Variants in PEBP4 observed in about 807,000 individuals in gnomAD.
PEBP4 encodes phosphatidylethanolamine binding protein 4.
A neutral mutation model predicts 23.9 loss-of-function variants in PEBP4; 22 were observed. That is an observed-to-expected ratio of 0.92 (90% CI 0.66 to 1.31). PEBP4 has a LOEUF of 1.31. PEBP4 is among the 40% of genes most tolerant of loss of function. PEBP4 has a pLI of 0.00. For synonymous variants in PEBP4, 112 were observed against 99.3 expected (o/e 1.13, Z -0.76); for missense variants, 324 against 281.7 (o/e 1.15, Z -1.07).
At chr8:22,902,077 G>A (rs2128776998) in intron 3 of PEBP4, among the ~76,000 whole-genome samples, 1 of 152,132 alleles carries the variant, frequency 6.6e-6, no homozygotes, top group East Asian at 1.9e-4. Context: ...CCAGCACTTT[G>A]GGAGGCTGAG....
chr8:22,817,545 A>T, intron 4 of PEBP4, 92 bp downstream of exon 4: 4 of 1,243,822 alleles, frequency 3.2e-6, no homozygotes, highest in Non-Finnish European at 4.7e-6. Flanking sequence ...CCTCGCTCCA[A>T]CCTTCCTGGA....
intron 4 of PEBP4, among the ~76,000 whole-genome samples, chr8:22,753,987 G>A (rs528207185): frequency 1.3e-5 from 2 of 152,300 alleles, no homozygotes; most frequent in East Asian, 3.9e-4. Flanking sequence ...TCCCAAATGG[G>A]GAAGAAGATG....
At chr8:22,866,501 G>T (rs1357116667) in intron 3 of PEBP4, among the ~76,000 whole-genome samples, 1 of 152,118 alleles carries the variant, frequency 6.6e-6, no homozygotes, top group Non-Finnish European at 1.5e-5. Context: ...AACAGATTCG[G>T]TAACTTCTCT....
rs1249228981 is a variant in PEBP4 at position 22,865,243 on chromosome 8, G to A, written c.259-47508C>T. ...GGGGGCGGCGGGAGGGGGAGGGAAG[G>A]TGTTTTTGCGAAAATGACAAAACAA... On this transcript the variant is annotated intron_variant, in intron 3 of 6. Transcript: ENST00000256404. The surrounding 1 kb of genome is among the most constrained non-coding windows in gnomAD (Gnocchi z 6.9). Among the ~76,000 whole-genome samples the A allele has an allele frequency of 6.6e-6, 1 of 152,124 alleles. No individual in the cohort carries two copies. Among genetic ancestry groups the A allele is most frequent in the East Asian group, 1.9e-4 (1 of 5,184 alleles).
intron 3 of PEBP4, among the ~76,000 whole-genome samples, chr8:22,836,269 C>T (rs1807202454): frequency 6.6e-6 from 1 of 152,224 alleles, no homozygotes; most frequent in South Asian, 2.1e-4. Flanking sequence ...ACATGAAAGA[C>T]AAGTGAATGG....
chr8:22,827,608 A>T (rs1806998946), intron 3 of PEBP4, among the ~76,000 whole-genome samples: 1 of 152,114 alleles, frequency 6.6e-6, no homozygotes, highest in Non-Finnish European at 1.5e-5. Flanking sequence ...ATTTCATTGT[A>T]TGGATAGAGA....
chr8:22,920,140 A>AC, intron 3 of PEBP4, 44 bp downstream of exon 3: 6 of 1,568,018 alleles, frequency 3.8e-6, no homozygotes, highest in Non-Finnish European at 5.2e-6. Flanking sequence ...GAACATCAAG[A>AC]CCCCCAACTG....
chr8:22,872,537 T>G (rs1326482686), intron 3 of PEBP4, among the ~76,000 whole-genome samples: 1 of 152,240 alleles, frequency 6.6e-6, no homozygotes, highest in African/African-American at 2.4e-5. Flanking sequence ...AATGAAAGTC[T>G]TTTGTTCAGT....
chr8:22,899,137 C>G (rs1289583670), intron 3 of PEBP4, among the ~76,000 whole-genome samples: 1 of 152,212 alleles, frequency 6.6e-6, no homozygotes, highest in Non-Finnish European at 1.5e-5. Context: ...GTTCCTACCT[C>G]AAAGCATTGT....
intron 4 of PEBP4, among the ~76,000 whole-genome samples, chr8:22,804,368 T>C (rs1806450690): frequency 6.6e-6 from 1 of 152,116 alleles, no homozygotes; most frequent in Non-Finnish European, 1.5e-5. Context: ...TTTTACCCCG[T>C]GTTGGAAGTC....
At position 22,775,863 on chromosome 8, in the gene PEBP4, C is replaced by G. The variant is rs1805805079; in HGVS notation, c.357+41774G>C. On this transcript the variant is annotated intron_variant, in intron 4 of 6. Transcript: ENST00000256404. The surrounding 1 kb of genome is among the most constrained non-coding windows in gnomAD (Gnocchi z 4.8). ...GGAAGGATTGCCCGACTCCTTGGCT[C>G]TTGGGGGGGTTTCCCGTTCTGGAGG... is the stretch of plus-strand genomic sequence containing the variant. Among the ~76,000 whole-genome samples the G allele has an allele frequency of 6.6e-6, 1 of 152,112 alleles. No individual in the cohort carries two copies. Among genetic ancestry groups the G allele is most frequent in the Non-Finnish European group, 1.5e-5 (1 of 68,024 alleles).
chr8:22,888,855 C>T lies in PEBP4; in HGVS notation c.258+31329G>A, dbSNP rs565589296. ...GGAAGTGCTGGGCTCAGGATTCTTA[C>T]ACCTTATTCCCCATGCTGGGAGCTC... On this transcript the variant is annotated intron_variant, in intron 3 of 6. Transcript: ENST00000256404. Among the ~76,000 whole-genome samples, 6 of 152,214 alleles carry T rather than the reference C, an allele frequency of 3.9e-5. 1 individual carries two copies. In the South Asian group the frequency reaches 1.2e-3, roughly 32 times the overall value.
intron 4 of PEBP4, among the ~76,000 whole-genome samples, chr8:22,801,246 G>A (rs1164004030): frequency 6.6e-6 from 1 of 152,156 alleles, no homozygotes; most frequent in Non-Finnish European, 1.5e-5. Flanking sequence ...CAGGTTGACA[G>A]GCATGATCTC....
intron 4 of PEBP4, among the ~76,000 whole-genome samples, chr8:22,810,028 A>C (rs575352493): frequency 1.2e-4 from 19 of 152,320 alleles, no homozygotes; most frequent in Non-Finnish European, 1.6e-4. Flanking sequence ...AAATTCTTAG[A>C]AAGTTCTTCC....
intron 3 of PEBP4, among the ~76,000 whole-genome samples, chr8:22,870,628 C>T (rs1807988691): frequency 6.6e-6 from 1 of 152,058 alleles, no homozygotes; most frequent in South Asian, 2.1e-4. Flanking sequence ...TCAAATGTAA[C>T]AAATGCACCC....
At chr8:22,788,354 G>A (rs1806069938) in intron 4 of PEBP4, among the ~76,000 whole-genome samples, 3 of 152,116 alleles carry the variant, frequency 2.0e-5, no homozygotes, top group Admixed American at 2.0e-4. Context: ...AGAAGAGGGA[G>A]AAATGGCAAG....
chr8:22,726,005 G>GTGTGTC (rs1336672446), intron 5 of PEBP4, among the ~76,000 whole-genome samples: 1 of 146,586 alleles, frequency 6.8e-6, no homozygotes, highest in East Asian at 1.9e-4. Flanking sequence ...ATATATGTGT[G>GTGTGTC]TGTGTGTGTG....
chr8:22,842,875 T>A (rs775717596), intron 3 of PEBP4, among the ~76,000 whole-genome samples: 1 of 152,238 alleles, frequency 6.6e-6, no homozygotes. Flanking sequence ...TTGCCCAGGC[T>A]GGAGTGCAGT....
intron 4 of PEBP4, among the ~76,000 whole-genome samples, chr8:22,813,255 A>G (rs1806671076): frequency 6.6e-6 from 1 of 152,232 alleles, no homozygotes; most frequent in Non-Finnish European, 1.5e-5. Flanking sequence ...GCACTGAATG[A>G]AAGGGAACCA....
Sources: allele counts gnomAD v4.1 joint callset (sites outside exome capture counted in the v4.1 genomes callset), GRCh38; gene constraint gnomAD v4.1.1; non-coding constraint Gnocchi (gnomAD v3.1); transcripts MANE v1.5; gene names NCBI Gene and HGNC (gene_info 2026-07-23, HGNC 2026-07-21).